Variants in VPS54 observed in about 807,000 individuals in gnomAD.
VPS54 encodes the protein VPS54 subunit of GARP complex, also known as vacuolar protein sorting-associated protein 54.
Under a neutral mutation model 121.5 loss-of-function variants are expected in VPS54, and 45 were observed. The observed-to-expected ratio is 0.37, with a 90% CI of 0.29 to 0.47. The LOEUF is 0.47. Among genes scored for constraint, VPS54 ranks in the 20% least tolerant of loss-of-function variants. The pLI, the probability that VPS54 is intolerant of heterozygous loss-of-function variation, is 0.99. For synonymous variants in VPS54, 371 were observed against 385.8 expected, an observed-to-expected ratio of 0.96 and a Z score of 0.45; for missense variants, 1,090 against 1,131.4, an observed-to-expected ratio of 0.96 and a Z score of 0.52.
intron 20 of VPS54, among the ~76,000 whole-genome samples, chr2:63,904,438 C>CAAAAAA (rs58651830): frequency 1.0e-4 from 2 of 19,934 alleles, no homozygotes; most frequent in African/African-American, 4.6e-4. Context: ...GACTTGGTCT[C>CAAAAAA]AAAAAAAAAA....
chr2:64,018,788 G>A (rs1272784559), intron 1 of VPS54, 150 bp downstream of exon 1: 1 of 150,936 alleles, frequency 6.6e-6, no homozygotes, highest in Non-Finnish European at 1.5e-5. Flanking sequence ...GAGGAGCATG[G>A]AAGCTTCAGT....
intron 20 of VPS54, among the ~76,000 whole-genome samples, chr2:63,909,254 C>A (rs78440011): frequency 0.02 from 3,081 of 152,172 alleles, 34 homozygotes; most frequent in East Asian, 0.035. Flanking sequence ...CTTATTCACC[C>A]TTGTGTATCC....
chr2:63,981,879 G>A lies in VPS54; in HGVS notation c.145C>T (p.His49Tyr). ...VCPKEPTGDS[H>Y]SLYVAPSLVT... is the part of the protein sequence containing the mutation. Reference sequence around the variant, plus strand: ...AGAGATGGGGCAACATATAAACTATGTGAATCACCTGCAAAAAGTAAACAA... The same window carrying A: ...AGAGATGGGGCAACATATAAACTATATGAATCACCTGCAAAAAGTAAACAA... Residue 49 changes from histidine to tyrosine, a missense_variant, in exon 3 of 23, where the codon CAT becomes TAT. Transcript: ENST00000272322. 6.2e-7 allele frequency: 1 copy of A among 1,608,756 alleles called. No individual in the cohort carries two copies. Among genetic ancestry groups the A allele is most frequent in the Non-Finnish European group, 8.5e-7 (1 of 1,177,792 alleles).
At chr2:63,933,296 G>C (rs2104484392) in intron 12 of VPS54, among the ~76,000 whole-genome samples, 2 of 152,216 alleles carry the variant, frequency 1.3e-5, no homozygotes, top group South Asian at 4.2e-4. Context: ...AAATCACAAA[G>C]GTGACACAGA....
intron 6 of VPS54, among the ~76,000 whole-genome samples, chr2:63,963,762 A>T (rs1675869561): frequency 6.6e-6 from 1 of 152,154 alleles, no homozygotes; most frequent in African/African-American, 2.4e-5. Context: ...GGGCACAAAT[A>T]TACTAGGGTA....
At chr2:63,903,514 T>C (rs1672777017) in intron 20 of VPS54, among the ~76,000 whole-genome samples, 1 of 152,178 alleles carries the variant, frequency 6.6e-6, no homozygotes, top group African/African-American at 2.4e-5. Context: ...GGCATTGTTT[T>C]CCTCATTTTT....
Position 63,933,845 on chromosome 2 carries a change from C to A in VPS54, c.1567G>T (p.Gly523Cys), listed in dbSNP as rs143741801. The A allele has an allele frequency of 8.7e-6, 14 of 1,613,820 alleles. No individual in the cohort carries two copies. The highest frequency in any genetic ancestry group is 1.1e-5 in the Non-Finnish European group (13 of 1,179,836). The change falls in exon 12 of 23, where the codon GGT (glycine) becomes TGT (cysteine). Residue 523 changes from glycine (G) to cysteine (C), a missense_variant. Coordinates refer to ENST00000272322, the MANE Select transcript of VPS54 (RefSeq NM_016516.3). Reference sequence around the variant, plus strand: ...GCTATAGGTGTTAGCTCACCCTCACCGAATGCATCACTTATAAACATGCCT... The same window carrying A: ...GCTATAGGTGTTAGCTCACCCTCACAGAATGCATCACTTATAAACATGCCT... ...HEGMFISDAF[G>C]EGELTPIAVD...
intron 1 of VPS54, among the ~76,000 whole-genome samples, chr2:63,999,562 G>A (rs1211509788): frequency 6.6e-6 from 1 of 152,052 alleles, no homozygotes; most frequent in Non-Finnish European, 1.5e-5. Context: ...AATGTCTCGA[G>A]TTAGTCCTCT....
chr2:63,941,175 T>C (rs552301057), intron 11 of VPS54, among the ~76,000 whole-genome samples: 16 of 152,332 alleles, frequency 1.1e-4, no homozygotes, highest in African/African-American at 3.6e-4. Flanking sequence ...AAATGGTCCC[T>C]TTTAACTGTT....
Position 63,899,495 on chromosome 2 carries a change from G to C in VPS54, c.2712C>G (p.Leu904=), listed in dbSNP as rs1441542608. The C allele has an allele frequency of 1.2e-6, 2 of 1,613,656 alleles. No homozygotes were observed. Among genetic ancestry groups the C allele is most frequent in the East Asian group, 4.5e-5 (2 of 44,830 alleles). ...TCACCTGTGTTTGTTCTTCTGGAAG[G>C]AGATCAAATATAGCTTCGTGCATTT... ...MTKMHEAIFD[L]LPEEQTQMLF... Residue 904 remains leucine, a synonymous_variant, in exon 21 of 23, where the codon CTC becomes CTG. Transcript: ENST00000272322.
At chr2:63,914,418 A>G (rs915030961) in intron 16 of VPS54, 131 bp from the exon 17 acceptor site, 129 of 658,126 alleles carry the variant, frequency 2.0e-4, no homozygotes, top group South Asian at 5.4e-4. Context: ...TAACTATGTT[A>G]AAGTATGCAT....
intron 20 of VPS54, among the ~76,000 whole-genome samples, chr2:63,909,616 A>G (rs1673050567): frequency 6.7e-6 from 1 of 148,850 alleles, no homozygotes; most frequent in South Asian, 2.1e-4. Context: ...GACAGGGTTT[A>G]ACCATCTTGG....
At chr2:63,919,790 A>T in intron 15 of VPS54, 93 bp downstream of exon 15, 1 of 827,578 alleles carries the variant, frequency 1.2e-6, no homozygotes, top group East Asian at 3.1e-5. Context: ...TAGCTTTGAA[A>T]TAGGCATTGT....
intron 1 of VPS54, among the ~76,000 whole-genome samples, chr2:63,990,756 C>T (rs1023808052): frequency 3.3e-5 from 5 of 152,196 alleles, no homozygotes; most frequent in Admixed American, 2.0e-4. Flanking sequence ...GGATTAGACA[C>T]GTGGGCTTAC....
intron 3 of VPS54, among the ~76,000 whole-genome samples, chr2:63,978,766 C>G (rs571462461): frequency 1.6e-4 from 24 of 152,040 alleles, no homozygotes; most frequent in African/African-American, 5.1e-4. Flanking sequence ...ACTACAGGCG[C>G]GCACCACCAC....
At chr2:63,913,091 A>G in intron 18 of VPS54, 132 bp downstream of exon 18, 2 of 690,476 alleles carry the variant, frequency 2.9e-6, no homozygotes, top group Non-Finnish European at 4.6e-6. Context: ...ATAAAAGAGT[A>G]AGTAGCATTT....
intron 7 of VPS54, among the ~76,000 whole-genome samples, chr2:63,953,115 T>A (rs1054155418): frequency 1.3e-5 from 2 of 150,338 alleles, no homozygotes; most frequent in African/African-American, 4.9e-5. Flanking sequence ...CACAACCCCA[T>A]GAAATTTTTA....
intron 11 of VPS54, among the ~76,000 whole-genome samples, chr2:63,937,539 G>C (rs1650104927): frequency 6.6e-6 from 1 of 152,136 alleles, no homozygotes; most frequent in Admixed American, 6.5e-5. Context: ...CTGCACTATT[G>C]GTGGAAATGT....
intron 1 of VPS54, among the ~76,000 whole-genome samples, chr2:64,018,449 G>C (rs1020906505): frequency 6.6e-6 from 1 of 152,114 alleles, no homozygotes; most frequent in Non-Finnish European, 1.5e-5. Context: ...GAAAATTATT[G>C]CACAAATTAT....
Sources: allele counts gnomAD v4.1 joint callset (sites outside exome capture counted in the v4.1 genomes callset), GRCh38; gene constraint gnomAD v4.1.1; transcripts MANE v1.5; gene names NCBI Gene and HGNC (gene_info 2026-07-23, HGNC 2026-07-21).